Variants in AMBP observed in about 807,000 individuals in gnomAD.
AMBP encodes alpha-1-microglobulin/bikunin precursor.
A neutral mutation model predicts 46.3 loss-of-function variants in AMBP; 37 were observed. The observed-to-expected ratio is 0.80, with a 90% confidence interval of 0.61 to 1.05. The LOEUF is 1.05. AMBP is among the 50% of genes least tolerant of loss of function. AMBP has a pLI of 0.00. For missense variants in AMBP, 475 were observed against 461.2 expected (o/e 1.03, Z -0.27); for synonymous variants, 174 against 175.9 (o/e 0.99, Z 0.09).
chr9:114,067,407 AAAACAAAC>A (rs371229012), intron 6 of AMBP, among the ~76,000 whole-genome samples: 2 of 152,066 alleles, frequency 1.3e-5, no homozygotes, highest in East Asian at 1.9e-4. Flanking sequence ...TGGCTAATTT[AAAACAAAC>A]AAACAAACAA....
At chr9:114,075,285 T>C (rs1846793984) in intron 2 of AMBP, among the ~76,000 whole-genome samples, 1 of 152,244 alleles carries the variant, frequency 6.6e-6, no homozygotes, top group Admixed American at 6.5e-5. Flanking sequence ...CATGCCATCC[T>C]CCTGGCAAAG....
At chr9:114,070,067 C>A (rs1846728725) in intron 5 of AMBP, among the ~76,000 whole-genome samples, 1 of 152,212 alleles carries the variant, frequency 6.6e-6, no homozygotes, top group Admixed American at 6.5e-5. Context: ...GGTTTTATTG[C>A]ATTGCCTTTT....
chr9:114,076,524 C>T (rs1846809519), intron 2 of AMBP, 74 bp downstream of exon 2: 4 of 1,569,274 alleles, frequency 2.5e-6, no homozygotes, highest in Non-Finnish European at 3.4e-6. Context: ...TGCAACTTCC[C>T]AGGATGGACG....
At chr9:114,066,280 T>A (rs929320467) in intron 6 of AMBP, among the ~76,000 whole-genome samples, 9 of 152,246 alleles carry the variant, frequency 5.9e-5, no homozygotes, top group African/African-American at 2.2e-4. Flanking sequence ...ACCCAACCTG[T>A]GATACCAGAA....
intron 5 of AMBP, 117 bp from the exon 6 acceptor site, chr9:114,069,862 A>G (rs747181345): frequency 3.8e-6 from 4 of 1,048,250 alleles, no homozygotes; most frequent in Non-Finnish European, 5.8e-6. Context: ...GCCTTAGTCC[A>G]CTTCATGAAT....
chr9:114,063,752 GATGGAA>G (rs1421253879), intron 6 of AMBP, among the ~76,000 whole-genome samples: 1 of 152,168 alleles, frequency 6.6e-6, no homozygotes, highest in Non-Finnish European at 1.5e-5. Context: ...AGCCAACAGT[GATGGAA>G]ATGAATATGT....
chr9:114,075,760 C>T (rs999940593), intron 2 of AMBP, among the ~76,000 whole-genome samples: 2 of 152,124 alleles, frequency 1.3e-5, no homozygotes, highest in African/African-American at 4.8e-5. Flanking sequence ...CAAAGAAGGG[C>T]ATGTAACCTG....
At chr9:114,070,308 C>T (rs1027092026) in intron 5 of AMBP, among the ~76,000 whole-genome samples, 2 of 152,138 alleles carry the variant, frequency 1.3e-5, no homozygotes, top group Non-Finnish European at 2.9e-5. Context: ...GCTGGGACCC[C>T]TGTGGCTCCC....
rs1483999586 is a variant in AMBP at position 114,060,859 on chromosome 9, C to T, written c.1027+66G>A. 8 of 1,547,874 alleles carry T rather than the reference C, an allele frequency of 5.2e-6. No homozygotes were observed. In the Admixed American group the frequency reaches 1.4e-4, roughly 28 times the overall value. ...CAGCTCTCCAGACCCCTACTCCTCC[C>T]AGGGCTCTCCCACCTCGACTCCAAC... is the stretch of plus-strand genomic sequence containing the variant. On this transcript the variant is annotated intron_variant, in intron 9 of 9. Coordinates refer to ENST00000265132, the MANE Select transcript of AMBP (RefSeq NM_001633.4).
Position 114,061,345 on chromosome 9 carries a change from T to C in AMBP, c.853+79A>G, listed in dbSNP as rs777848425. Reference sequence around the variant, plus strand: ...ACTGGAATGCCCTCTGTTAGCTACCTTTTCAATTCGCAGGTGGTTTACTGG... The same window carrying C: ...ACTGGAATGCCCTCTGTTAGCTACCCTTTCAATTCGCAGGTGGTTTACTGG... On this transcript the variant is annotated intron_variant, in intron 8 of 9. Transcript: ENST00000265132. The C allele has an allele frequency of 1.2e-5, 19 of 1,599,244 alleles. No individual in the cohort carries two copies. The East Asian group carries it at 3.6e-4, about 30-fold the overall frequency.
chr9:114,064,395 AT>A (rs200690059), intron 6 of AMBP, among the ~76,000 whole-genome samples: 3,041 of 152,176 alleles, frequency 0.02, 49 homozygotes, highest in East Asian at 0.074. Context: ...TTTAGAAACA[AT>A]TTTTTTTAAA....
In AMBP at chr9:114,060,262, C is replaced by A. The variant is rs757189055; in HGVS notation, c.1036G>T (p.Glu346Ter). The A allele has an allele frequency of 1.2e-6, 2 of 1,613,238 alleles. No homozygotes were observed. The change falls in exon 10 of 10, where the codon GAG becomes TAG. Residue 346 changes from glutamate (E) to a stop codon, truncating the protein, a stop_gained. Transcript: ENST00000265132. LOFTEE classifies it high-confidence loss of function. ...TGTCAGTTGGAGAAGCGCAGCAGCT[C>A]CTCATCACCTGTGGACACAGAGAGA... Reference protein sequence around the residue: ...YCGVPGDGDEELLRFSN With the variant: ...YCGVPGDGDE
chr9:114,063,026 C>T (rs1846657693), intron 6 of AMBP, among the ~76,000 whole-genome samples: 1 of 148,160 alleles, frequency 6.7e-6, no homozygotes, highest in South Asian at 2.2e-4. Flanking sequence ...GTTGAAGTGC[C>T]TAAAGGAATA....
At chr9:114,070,976 G>A (rs1476853535) in intron 5 of AMBP, among the ~76,000 whole-genome samples, 2 of 152,178 alleles carry the variant, frequency 1.3e-5, no homozygotes, top group Non-Finnish European at 2.9e-5. Flanking sequence ...CATGGAGGGA[G>A]CTTGCCACGA....
At chr9:114,077,787 C>T (rs558369949) in intron 1 of AMBP, among the ~76,000 whole-genome samples, 33 of 152,298 alleles carry the variant, frequency 2.2e-4, no homozygotes, top group Admixed American at 9.1e-4. Context: ...GGTGTCTGCA[C>T]GGGGGCTGCA....
chr9:114,060,135 G>GTT lies in AMBP; in HGVS notation c.*102_*103dup. On this transcript the variant is annotated 3_prime_UTR_variant, in exon 10 of 10. Transcript: ENST00000265132. ...ACAATGAGGACACAGAATTTCAGGA[G>GTT]TTTACAATTTAGTTTTTATTTGGAC... 1 of 1,223,958 alleles carries GTT rather than the reference G, an allele frequency of 8.2e-7. No homozygotes were observed. The highest frequency in any genetic ancestry group is 1.6e-5 in the South Asian group (1 of 62,974). The allele number at this position is 1,223,958 out of a possible 1,614,324, so 75.8% of individuals were successfully genotyped here. A position where few individuals can be genotyped will look rare whatever the true frequency, so the allele number is the denominator to read the frequency against.
intron 7 of AMBP, among the ~76,000 whole-genome samples, chr9:114,062,385 T>C (rs1846648964): frequency 6.6e-6 from 1 of 152,226 alleles, no homozygotes; most frequent in Non-Finnish European, 1.5e-5. Context: ...TCCCATAATA[T>C]GGATGAGGAA....
chr9:114,076,931 A>T (rs1846819098), intron 1 of AMBP, among the ~76,000 whole-genome samples, 191 bp from the exon 2 acceptor site: 1 of 152,158 alleles, frequency 6.6e-6, no homozygotes, highest in Admixed American at 6.5e-5. Context: ...CAGATCCCTA[A>T]GAGTGGCGTT....
Position 114,060,196 on chromosome 9 carries a change from G to A in AMBP, c.*43C>T, listed in dbSNP as rs773644609. 1.2e-6 allele frequency: 2 copies of A among 1,601,280 alleles called. No individual in the cohort carries two copies. Among genetic ancestry groups the A allele is most frequent in the South Asian group, 2.3e-5 (2 of 88,740 alleles). On this transcript the variant is annotated 3_prime_UTR_variant, in exon 10 of 10. Transcript: ENST00000265132. ...TGGCGCTGCCTGCCACAGGACCCCG[G>A]GACAGACACTGGCCATCCTCTGACT...
Sources: gnomAD v4.1 joint callset for allele counts (sites outside exome capture counted in the v4.1 genomes callset) on GRCh38, gnomAD v4.1.1 for gene constraint, MANE v1.5 for transcripts, NCBI Gene and HGNC (gene_info 2026-07-23, HGNC 2026-07-21) for gene names.